Variants in RGPD2 observed in about 807,000 individuals in gnomAD.
RGPD2 encodes RANBP2 like and GRIP domain containing 2, also known as RANBP2-like and GRIP domain-containing protein 2.
Under a neutral mutation model 36.0 loss-of-function variants are expected in RGPD2, and 2 were observed. That is an observed-to-expected ratio of 0.06 (90% confidence interval 0.02 to 0.17). RGPD2 has a LOEUF of 0.17. RGPD2 is among the 10% of genes least tolerant of loss of function. The pLI, the probability that RGPD2 is intolerant of heterozygous loss-of-function variation, is 1.00. For missense variants in RGPD2, 40 were observed against 464.3 expected, an observed-to-expected ratio of 0.09 and a Z score of 8.40; for synonymous variants, 19 against 163.8, an observed-to-expected ratio of 0.12 and a Z score of 6.75.
chr2:87,841,647 A>G, the RGPD2 span, among the ~76,000 whole-genome samples: 10 of 151,466 alleles, frequency 6.6e-5, no homozygotes, highest in African/African-American at 2.4e-4. Context: ...AGGAACTGGT[A>G]CCATTCCTTC....
the RGPD2 span, among the ~76,000 whole-genome samples, chr2:87,872,253 A>G: frequency 6.6e-6 from 1 of 152,140 alleles, no homozygotes; most frequent in Middle Eastern, 3.4e-3. Context: ...AATCCAGACA[A>G]CCAATAATGT....
At chr2:87,872,977 C>T in the RGPD2 span, among the ~76,000 whole-genome samples, 1 of 152,274 alleles carries the variant, frequency 6.6e-6, no homozygotes, top group Non-Finnish European at 1.5e-5. Flanking sequence ...CCAGGCTGGT[C>T]TTGAACTCCT....
At chr2:87,763,395 G>A in intron 22 of RGPD2, among the ~76,000 whole-genome samples, 1 of 145,336 alleles carries the variant, frequency 6.9e-6, no homozygotes, top group Non-Finnish European at 1.5e-5. Context: ...CTGACCTCGT[G>A]ATCCTCCCAC....
chr2:87,960,129 C>T, the RGPD2 span, among the ~76,000 whole-genome samples: 1 of 150,136 alleles, frequency 6.7e-6, no homozygotes, highest in Non-Finnish European at 1.5e-5. Flanking sequence ...GTTTGTCTCC[C>T]TCACAGATGT....
the RGPD2 span, among the ~76,000 whole-genome samples, chr2:87,964,962 T>C: frequency 1.3e-5 from 2 of 152,076 alleles, no homozygotes; most frequent in Non-Finnish European, 2.9e-5. Flanking sequence ...TGATTAATCC[T>C]TAAACTAACT....
chr2:87,825,089 C>G (rs147968875), intron 1 of RGPD2: 1 of 388,556 alleles, frequency 2.6e-6, no homozygotes, highest in African/African-American at 2.1e-5. Flanking sequence ...CTATAGTAAA[C>G]CCTGAGAACC....
At chr2:87,864,238 T>C in the RGPD2 span, among the ~76,000 whole-genome samples, 4 of 152,242 alleles carry the variant, frequency 2.6e-5, no homozygotes, top group Non-Finnish European at 5.9e-5. Context: ...AGGGCCTGAA[T>C]AAAATAAAAA....
chr2:87,842,294 T>C, the RGPD2 span, among the ~76,000 whole-genome samples: 2 of 147,006 alleles, frequency 1.4e-5, no homozygotes, highest in Admixed American at 1.3e-4. Flanking sequence ...ATGACATGAC[T>C]GTATATCTAG....
the RGPD2 span, among the ~76,000 whole-genome samples, chr2:87,878,226 T>C: frequency 6.6e-6 from 1 of 152,028 alleles, no homozygotes; most frequent in Non-Finnish European, 1.5e-5. Flanking sequence ...TTCATTGCTT[T>C]TTATTCTTTT....
chr2:87,825,901 A>G (rs1686793942), upstream of RGPD2: 2 of 841,538 alleles, frequency 2.4e-6, no homozygotes, highest in Non-Finnish European at 3.5e-6. Context: ...TCGGCGCTCG[A>G]GCTGCACTCG....
chr2:87,857,667 G>A, the RGPD2 span, among the ~76,000 whole-genome samples: 103 of 151,558 alleles, frequency 6.8e-4, no homozygotes, highest in Non-Finnish European at 1.2e-3. Flanking sequence ...GGCTAGGCGC[G>A]GTGTCTCACG....
At chr2:87,784,529 CATT>C (rs1221436934) in intron 19 of RGPD2, among the ~76,000 whole-genome samples, 182 bp from the exon 20 acceptor site, 131 of 152,084 alleles carry the variant, frequency 8.6e-4, no homozygotes, top group Middle Eastern at 6.8e-3. Flanking sequence ...AAGCACTTTA[CATT>C]ATTATCTCAT....
the RGPD2 span, among the ~76,000 whole-genome samples, chr2:87,932,857 G>A: frequency 2.0e-5 from 3 of 150,012 alleles, no homozygotes; most frequent in Admixed American, 2.0e-4. Flanking sequence ...AGATGACATG[G>A]CCTTTCTGTC....
chr2:87,962,259 AG>A, the RGPD2 span, among the ~76,000 whole-genome samples: 4 of 152,160 alleles, frequency 2.6e-5, no homozygotes, highest in African/African-American at 9.7e-5. Context: ...AGATTTTAAA[AG>A]CTCACATTTG....
At chr2:87,938,239 T>C in the RGPD2 span, among the ~76,000 whole-genome samples, 1 of 151,770 alleles carries the variant, frequency 6.6e-6, no homozygotes, top group Non-Finnish European at 1.5e-5. Context: ...AGTAAAAGGT[T>C]ATAGAAATAG....
chr2:87,875,058 G>T, the RGPD2 span, among the ~76,000 whole-genome samples: 1 of 152,240 alleles, frequency 6.6e-6, no homozygotes, highest in Non-Finnish European at 1.5e-5. Flanking sequence ...CATTGATTTT[G>T]TATCTAGAGA....
At chr2:87,884,450 G>C in the RGPD2 span, among the ~76,000 whole-genome samples, 1 of 151,796 alleles carries the variant, frequency 6.6e-6, no homozygotes, top group South Asian at 2.1e-4. Context: ...ACAAAGGTCA[G>C]AGCAAAAATA....
chr2:87,877,804 CAAAAAAAAAAAA>C, the RGPD2 span, among the ~76,000 whole-genome samples: 51 of 84,396 alleles, frequency 6.0e-4, no homozygotes, highest in South Asian at 1.5e-3. Flanking sequence ...GACTCCGTCT[CAAAAAAAAAAAA>C]AAAAAAAAAA....
At chr2:87,883,497 T>C in the RGPD2 span, among the ~76,000 whole-genome samples, 1 of 151,660 alleles carries the variant, frequency 6.6e-6, no homozygotes, top group African/African-American at 2.4e-5. Context: ...ATGAATTAAG[T>C]GTTTCAGTTA....
Sources: gnomAD v4.1 joint callset for allele counts (sites outside exome capture counted in the v4.1 genomes callset) on GRCh38, gnomAD v4.1.1 for gene constraint, MANE v1.5 for transcripts, NCBI Gene and HGNC (gene_info 2026-07-23, HGNC 2026-07-21) for gene names.